The following SPHKAP variants were observed in gnomAD, a reference collection of about 807,000 sequenced individuals.
The protein encoded by SPHKAP is SPHK1 interactor, AKAP domain containing.
In SPHKAP, 67 loss-of-function variants were observed where a neutral mutation model predicts 137.5. That is an observed-to-expected ratio of 0.49 (90% CI 0.40 to 0.60). SPHKAP has a LOEUF of 0.60. SPHKAP is among the 20% of genes least tolerant of loss of function. The pLI is 0.00. For synonymous variants in SPHKAP, 813 were observed against 785.3 expected, an observed-to-expected ratio of 1.04 and a Z score of -0.59; for missense variants, 2,097 against 2,069.3, an observed-to-expected ratio of 1.01 and a Z score of -0.26.
At chr2:228,009,116 T>G (rs1174643046) in intron 7 of SPHKAP, among the ~76,000 whole-genome samples, 1 of 152,188 alleles carries the variant, frequency 6.6e-6, no homozygotes, top group Non-Finnish European at 1.5e-5. Flanking sequence ...TAGCCTTTAT[T>G]TTTGAAGGAA....
chr2:228,167,970 T>A (rs980850704), intron 1 of SPHKAP, among the ~76,000 whole-genome samples: 4 of 152,160 alleles, frequency 2.6e-5, no homozygotes, highest in Non-Finnish European at 2.9e-5. Context: ...ACCTTTAGTA[T>A]ACACTGATAT....
chr2:228,089,760 C>A (rs757788876), intron 3 of SPHKAP, among the ~76,000 whole-genome samples: 1 of 152,208 alleles, frequency 6.6e-6, no homozygotes, highest in Admixed American at 6.5e-5. Flanking sequence ...CCAGGGACAT[C>A]TCTGGTTGCT....
chr2:228,088,822 C>A (rs1434555560), intron 3 of SPHKAP, among the ~76,000 whole-genome samples: 1 of 152,184 alleles, frequency 6.6e-6, no homozygotes, highest in African/African-American at 2.4e-5. Flanking sequence ...CTTCTTAAGG[C>A]CTCACCAGAA....
chr2:228,004,815 C>A (rs1041481684), intron 7 of SPHKAP, among the ~76,000 whole-genome samples: 2 of 152,224 alleles, frequency 1.3e-5, no homozygotes, highest in East Asian at 3.9e-4. Context: ...TTGTTATGTA[C>A]CCAGTAGTCA....
chr2:228,123,140 G>A (rs1574869885), intron 2 of SPHKAP, among the ~76,000 whole-genome samples: 1 of 152,280 alleles, frequency 6.6e-6, no homozygotes, highest in East Asian at 1.9e-4. Context: ...CAGATTGCAA[G>A]CTGTCTTTGT....
intron 1 of SPHKAP, among the ~76,000 whole-genome samples, chr2:228,180,377 C>T (rs1700868334): frequency 6.6e-6 from 1 of 152,100 alleles, no homozygotes; most frequent in Non-Finnish European, 1.5e-5. Flanking sequence ...TCCTCCTCCG[C>T]CACCCCCACC....
At chr2:227,987,300 GCTT>G (rs1693248760) in intron 11 of SPHKAP, among the ~76,000 whole-genome samples, 3 of 152,170 alleles carry the variant, frequency 2.0e-5, no homozygotes, top group South Asian at 2.1e-4. Flanking sequence ...TTCTCCGTGT[GCTT>G]CTTATTTCCC....
At chr2:228,121,546 C>T (rs1441930675) in intron 2 of SPHKAP, among the ~76,000 whole-genome samples, 2 of 152,054 alleles carry the variant, frequency 1.3e-5, no homozygotes, top group Admixed American at 6.6e-5. Context: ...AGAGACAGTT[C>T]TCTTTTCTCT....
intron 7 of SPHKAP, among the ~76,000 whole-genome samples, chr2:228,006,584 G>T (rs1694147275): frequency 6.6e-6 from 1 of 152,136 alleles, no homozygotes; most frequent in South Asian, 2.1e-4. Context: ...TGCTGGTGAG[G>T]AGGTGCGTTC....
chr2:228,113,945 A>T (rs1472326903), intron 2 of SPHKAP, among the ~76,000 whole-genome samples: 1 of 152,104 alleles, frequency 6.6e-6, no homozygotes, highest in Non-Finnish European at 1.5e-5. Flanking sequence ...TTAGCCTGTG[A>T]AAAGCTTTTA....
chr2:227,981,953 GTC>G (rs1163732827), intron 11 of SPHKAP, 93 bp from the exon 12 acceptor site: 68 of 1,462,872 alleles, frequency 4.6e-5, no homozygotes, highest in Non-Finnish European at 5.4e-5. Flanking sequence ...TGGCTCTCCA[GTC>G]TCTGTTTAAA....
At chr2:228,037,229 C>G (rs1158495507) in intron 3 of SPHKAP, among the ~76,000 whole-genome samples, 1 of 151,988 alleles carries the variant, frequency 6.6e-6, no homozygotes, top group South Asian at 2.1e-4. Context: ...ATGCATCATG[C>G]ATTTCTGATT....
intron 7 of SPHKAP, among the ~76,000 whole-genome samples, chr2:228,002,076 T>C (rs540900651): frequency 1.1e-4 from 17 of 152,288 alleles, no homozygotes; most frequent in Admixed American, 1.0e-3. Context: ...ATCCTTTGGG[T>C]ATATACCCAG....
intron 3 of SPHKAP, among the ~76,000 whole-genome samples, chr2:228,062,388 G>T (rs906033787): frequency 2.6e-5 from 4 of 151,716 alleles, no homozygotes; most frequent in Non-Finnish European, 4.4e-5. Flanking sequence ...GCCTCCCAAA[G>T]TGCTGGGATT....
At chr2:228,024,112 T>G (rs1694941488) in intron 5 of SPHKAP, among the ~76,000 whole-genome samples, 1 of 152,184 alleles carries the variant, frequency 6.6e-6, no homozygotes, top group South Asian at 2.1e-4. Flanking sequence ...ACTCCTGGAT[T>G]TTTCTGGTTA....
At chr2:228,142,034 A>G (rs1699622155) in intron 1 of SPHKAP, among the ~76,000 whole-genome samples, 1 of 152,206 alleles carries the variant, frequency 6.6e-6, no homozygotes, top group Non-Finnish European at 1.5e-5. Context: ...CACAAACACC[A>G]CCAAATGGAA....
At chr2:228,035,484 C>A (rs1260214809) in intron 3 of SPHKAP, among the ~76,000 whole-genome samples, 1 of 152,000 alleles carries the variant, frequency 6.6e-6, no homozygotes, top group Non-Finnish European at 1.5e-5. Flanking sequence ...TCAATGCCAT[C>A]CCCATCAAGC....
chr2:228,047,390 C>T (rs1034220061), intron 3 of SPHKAP, among the ~76,000 whole-genome samples: 6 of 148,894 alleles, frequency 4.0e-5, no homozygotes, highest in East Asian at 2.1e-4. Context: ...CACTTGAACC[C>T]GGGAGGCGGA....
In SPHKAP at chr2:228,019,991, T is replaced by G. The variant is rs763543543; in HGVS notation, c.863A>C (p.Glu288Ala). Residue 288 changes from glutamate (E) to alanine (A), a missense_variant, in exon 7 of 12, where the codon GAA (glutamate) becomes GCA (alanine). Glu to Ala is a moderately radical substitution (Grantham distance 107). Transcript: ENST00000392056. ...CAAGGCTGTGTTCTTTGTTAGGTTT[T>G]CTGGAGATCGTTCTGTTTTAATCAA... is the stretch of plus-strand genomic sequence containing the variant. ...TPLIKTERSP[E>A]NLTKNTALQS... is the part of the protein sequence containing the mutation. 3 of 1,614,240 alleles carry G rather than the reference T, an allele frequency of 1.9e-6. No individual in the cohort carries two copies. In the Admixed American group the frequency reaches 5.0e-5, roughly 27 times the overall value.
Sources: gnomAD v4.1 joint callset for allele counts (sites outside exome capture counted in the v4.1 genomes callset) on GRCh38, gnomAD v4.1.1 for gene constraint, MANE v1.5 for transcripts, NCBI Gene and HGNC (gene_info 2026-07-23, HGNC 2026-07-21) for gene names.